Variants in GALNT2 observed in about 807,000 individuals in gnomAD.
The protein encoded by GALNT2 is UDP-GalNAc:polypeptide N-acetylgalactosaminyltransferase 2.
A neutral mutation model predicts 81.4 loss-of-function variants in GALNT2; 31 were observed. The observed-to-expected ratio is 0.38, with a 90% CI of 0.29 to 0.51. The LOEUF is 0.51. Ranked by LOEUF, GALNT2 falls within the 20% of genes least tolerant of loss-of-function variation. The pLI is 0.87. For synonymous variants in GALNT2, 303 were observed against 287.4 expected (o/e 1.05, Z -0.55); for missense variants, 629 against 765.7 (o/e 0.82, Z 2.11).
intron 2 of GALNT2, among the ~76,000 whole-genome samples, chr1:230,179,437 G>T (rs11122460): frequency 6.6e-6 from 1 of 152,144 alleles, no homozygotes; most frequent in Non-Finnish European, 1.5e-5. Context: ...GAGGGTTCCT[G>T]TTTCTCTACA....
rs2102741994 is a variant in GALNT2, at chr1:230,243,524, A to G, written c.729+97A>G. 1.4e-6 allele frequency: 2 copies of G among 1,451,406 alleles called. No individual in the cohort carries two copies. Among genetic ancestry groups the G allele is most frequent in the Admixed American group, 2.4e-5 (1 of 41,472 alleles). The allele number at this position is 1,451,406 out of a possible 1,614,324, so 89.9% of individuals were successfully genotyped here. ...CCAGGGGAGGTGTAACGCAGGGAGTAGGGCGTCAGGGCTGGTAGGGGCTGA... is the reference window on the plus strand; with the variant it reads ...CCAGGGGAGGTGTAACGCAGGGAGTGGGGCGTCAGGGCTGGTAGGGGCTGA... On this transcript the variant is annotated intron_variant, in intron 7 of 15. Transcript: ENST00000366672. The surrounding 1 kb of genome is among the most constrained non-coding windows in gnomAD (Gnocchi z 4.2).
At chr1:230,074,703 G>T (rs531718137) in intron 1 of GALNT2, among the ~76,000 whole-genome samples, 2 of 152,194 alleles carry the variant, frequency 1.3e-5, no homozygotes, top group East Asian at 3.9e-4. Context: ...ATATTAATAC[G>T]TTTTAATTTT....
intron 1 of GALNT2, among the ~76,000 whole-genome samples, chr1:230,106,441 C>T (rs1227969100): frequency 2.0e-5 from 3 of 152,164 alleles, no homozygotes; most frequent in Admixed American, 2.0e-4. Context: ...TTGGTCTGGC[C>T]CACTGACCCG....
At chr1:230,276,687 T>C (rs559987867) in intron 15 of GALNT2, among the ~76,000 whole-genome samples, 1 of 152,204 alleles carries the variant, frequency 6.6e-6, no homozygotes, top group Non-Finnish European at 1.5e-5. Flanking sequence ...GTCCTGGCAG[T>C]GGGAGCCCCT....
At position 230,081,240 on chromosome 1, in the gene GALNT2, TC is replaced by T. The variant is rs573176633; in HGVS notation, c.126+13841del. Reference sequence around the variant, plus strand: ...GACAGCATGAGGAAGCTGGTCAGGGTCCCCCCCAGCTGGTGTGAGGACCGAG... The same window carrying T: ...GACAGCATGAGGAAGCTGGTCAGGGTCCCCCCAGCTGGTGTGAGGACCGAG... On this transcript the variant is annotated intron_variant, in intron 1 of 15. Coordinates refer to ENST00000366672, the MANE Select transcript of GALNT2 (RefSeq NM_004481.5). Among the ~76,000 whole-genome samples, 4 of 151,964 alleles carry T rather than the reference TC, an allele frequency of 2.6e-5. No homozygotes were observed. In the East Asian group the frequency reaches 5.8e-4, roughly 22 times the overall value.
At chr1:230,106,529 G>C (rs951575266) in intron 1 of GALNT2, among the ~76,000 whole-genome samples, 6 of 152,264 alleles carry the variant, frequency 3.9e-5, no homozygotes, top group Non-Finnish European at 7.3e-5. Context: ...TGAGGCAGTG[G>C]AGACTGTTCA....
At chr1:230,242,668 G>T (rs761326955) in intron 6 of GALNT2, among the ~76,000 whole-genome samples, 4 of 152,142 alleles carry the variant, frequency 2.6e-5, no homozygotes, top group African/African-American at 9.6e-5. Context: ...AACCACAGGC[G>T]CACGCACAGG....
At chr1:230,068,568 C>T (rs1659278501) in intron 1 of GALNT2, among the ~76,000 whole-genome samples, 1 of 152,170 alleles carries the variant, frequency 6.6e-6, no homozygotes, top group Non-Finnish European at 1.5e-5. Flanking sequence ...TGAAACAAGC[C>T]AGAGGGAACT....
intron 2 of GALNT2, among the ~76,000 whole-genome samples, chr1:230,186,861 T>G (rs906462075): frequency 2.0e-5 from 3 of 152,266 alleles, no homozygotes; most frequent in African/African-American, 7.2e-5. Flanking sequence ...TTTCTTTCCT[T>G]TTTATGTTGA....
At position 230,265,255 on chromosome 1, in the gene GALNT2, A is replaced by G; in HGVS notation, c.1328A>G (p.Gln443Arg). ...VYPELRVPDH[Q>R]DIAFGALQQG... is the part of the protein sequence containing the mutation. ...TTGTTTTTCAGGGTTCCAGACCATC[A>G]GGATATAGCTTTTGGGGCCTTGCAG... is the stretch of plus-strand genomic sequence containing the variant. The change falls in exon 14 of 16, where the codon CAG becomes CGG. Residue 443 changes from glutamine (Q) to arginine (R), a missense_variant. Gln to Arg is a conservative substitution (Grantham distance 43). Coordinates refer to ENST00000366672, the MANE Select transcript of GALNT2 (RefSeq NM_004481.5). 7 of 1,614,226 alleles carry G rather than the reference A, an allele frequency of 4.3e-6. No individual in the cohort carries two copies. Among genetic ancestry groups the G allele is most frequent in the Non-Finnish European group, 5.9e-6 (7 of 1,180,036 alleles).
At chr1:230,189,347 T>C (rs941329176) in intron 2 of GALNT2, among the ~76,000 whole-genome samples, 1 of 152,158 alleles carries the variant, frequency 6.6e-6, no homozygotes, top group African/African-American at 2.4e-5. Flanking sequence ...GTGCTGTTGG[T>C]TCAGTTACCC....
intron 1 of GALNT2, among the ~76,000 whole-genome samples, chr1:230,122,174 C>T (rs533929286): frequency 1.3e-4 from 20 of 152,152 alleles, no homozygotes; most frequent in Admixed American, 2.6e-4. Context: ...ACCTTTGCCC[C>T]GCAAGCATGG....
chr1:230,274,844 A>G (rs1055721043), intron 15 of GALNT2, among the ~76,000 whole-genome samples: 7 of 152,140 alleles, frequency 4.6e-5, no homozygotes, highest in African/African-American at 1.2e-4. Flanking sequence ...ACTTTTTTCT[A>G]TTTCAATTTA....
At chr1:230,211,629 C>G (rs1170352435) in intron 3 of GALNT2, among the ~76,000 whole-genome samples, 1 of 151,968 alleles carries the variant, frequency 6.6e-6, no homozygotes, top group Admixed American at 6.6e-5. Context: ...AACAATTACT[C>G]TAGTGTGGTG....
intron 1 of GALNT2, among the ~76,000 whole-genome samples, chr1:230,100,287 A>G (rs1255974259): frequency 7.1e-6 from 1 of 140,194 alleles, no homozygotes; most frequent in East Asian, 2.2e-4. Context: ...AGGATGGGGG[A>G]TGCCCAGGGT....
chr1:230,257,140 C>T lies in GALNT2; in HGVS notation c.1136+1796C>T, dbSNP rs1052708507. Among the ~76,000 whole-genome samples, 1 of 152,234 alleles carries T rather than the reference C, an allele frequency of 6.6e-6. No homozygotes were observed. The highest frequency in any genetic ancestry group is 1.9e-4 in the East Asian group (1 of 5,184). On this transcript the variant is annotated intron_variant, in intron 11 of 15. Coordinates refer to ENST00000366672, the MANE Select transcript of GALNT2 (RefSeq NM_004481.5). This position sits in a 1 kb window ranked among gnomAD's most constrained non-coding sequence, Gnocchi z 4.6. ...GCCCGGGCCATGCACCTTTGCAGGT[C>T]ATGGGAAACGTTGGATGTTATTTGA...
rs1665904589 is a variant in GALNT2 at position 230,262,412 on chromosome 1, TGGTG to T, written c.1137-158_1137-155del. 8.2e-6 allele frequency: 5 copies of T among 611,694 alleles called. No individual in the cohort carries two copies. In the South Asian group the frequency reaches 1.0e-4, roughly 13 times the overall value. 37.9% of individuals were successfully genotyped at this position (611,694 alleles called of 1,614,324 possible). A position where few individuals can be genotyped will look rare whatever the true frequency, so the allele number is the denominator to read the frequency against. On this transcript the variant is annotated intron_variant, in intron 11 of 15. Coordinates refer to ENST00000366672, the MANE Select transcript of GALNT2 (RefSeq NM_004481.5). ...TCCCCACAGGTCCAGCTCGAGGTGCTGGTGGGGACAGCCCACCCTCTGCTGTGTG... is the reference window on the plus strand; with the variant it reads ...TCCCCACAGGTCCAGCTCGAGGTGCTGGGACAGCCCACCCTCTGCTGTGTG...
At chr1:230,111,279 GTA>G (rs1205092145) in intron 1 of GALNT2, among the ~76,000 whole-genome samples, 2 of 152,282 alleles carry the variant, frequency 1.3e-5, no homozygotes, top group African/African-American at 4.8e-5. Flanking sequence ...ACTGCAATGT[GTA>G]CTTACATGCA....
rs115784340 is a variant in GALNT2, at chr1:230,132,268, G to T, written c.127-45950G>T. ...CTTCTGATTTGGTTTTCACTGCCCC[G>T]AAATAGATAGGGGTAGGGGAGACCA... On this transcript the variant is annotated intron_variant, in intron 1 of 15. Coordinates refer to ENST00000366672, the MANE Select transcript of GALNT2 (RefSeq NM_004481.5). Among the ~76,000 whole-genome samples the T allele has an allele frequency of 1.8e-3, 270 of 152,272 alleles. 1 individual carries two copies. In the Middle Eastern group the frequency reaches 0.024, roughly 13 times the overall value.
Sources: gnomAD v4.1 joint callset for allele counts (sites outside exome capture counted in the v4.1 genomes callset) on GRCh38, gnomAD v4.1.1 for gene constraint, Gnocchi (gnomAD v3.1) non-coding constraint, MANE v1.5 for transcripts, NCBI Gene and HGNC (gene_info 2026-07-23, HGNC 2026-07-21) for gene names.